The following TRABD2B variants were observed in gnomAD, a reference collection of about 807,000 sequenced individuals.
TRABD2B encodes metalloprotease TIKI2.
TRABD2B carries 14 observed loss-of-function variants against 40.1 expected under a neutral mutation model. The ratio of observed to expected loss-of-function variants is 0.35; its 90% CI spans 0.23 to 0.55. The LOEUF is 0.55. Among genes scored for constraint, TRABD2B ranks in the 20% least tolerant of loss-of-function variants. TRABD2B has a pLI of 0.90. For missense variants in TRABD2B, 541 were observed against 648.6 expected (o/e 0.83, Z 1.80); for synonymous variants, 263 against 277.0 (o/e 0.95, Z 0.50).
At chr1:47,789,999 G>A (rs922733563) in intron 4 of TRABD2B, among the ~76,000 whole-genome samples, 3 of 150,404 alleles carry the variant, frequency 2.0e-5, no homozygotes, top group African/African-American at 4.9e-5. Context: ...TTTTCATTTT[G>A]CCAAATGAGG....
At chr1:47,883,766 T>C (rs1183557441) in intron 2 of TRABD2B, among the ~76,000 whole-genome samples, 1 of 152,250 alleles carries the variant, frequency 6.6e-6, no homozygotes, top group Non-Finnish European at 1.5e-5. Context: ...TCAGTCTCCA[T>C]GATGTCTCAC....
chr1:47,766,489 G>A (rs1212598256), intron 6 of TRABD2B, among the ~76,000 whole-genome samples: 1 of 152,204 alleles, frequency 6.6e-6, no homozygotes, highest in Non-Finnish European at 1.5e-5. Context: ...CCTGCTGGCT[G>A]CTCTCCCCTT....
rs76867898 is a variant in TRABD2B at position 47,876,180 on chromosome 1, C to T, written c.667-74561G>A. Among the ~76,000 whole-genome samples, 1,217 of 152,244 alleles carry T rather than the reference C, an allele frequency of 8.0e-3. 27 individuals carry two copies. Among genetic ancestry groups the T allele is most frequent in the African/African-American group, 0.027 (1,115 of 41,528 alleles). ...ACTTGTCACTGAGCTTGAACAAGCG[C>T]GTCACCCTCTCTAAGCCTCAGTTCA... is the stretch of plus-strand genomic sequence containing the variant. On this transcript the variant is annotated intron_variant, in intron 2 of 6. Transcript: ENST00000606738.
intron 2 of TRABD2B, among the ~76,000 whole-genome samples, chr1:47,923,028 T>C (rs771046916): frequency 6.6e-6 from 1 of 152,332 alleles, no homozygotes; most frequent in African/African-American, 2.4e-5. Flanking sequence ...TGTACACAGC[T>C]GCTTCCCTCT....
At chr1:47,810,856 C>T (rs931849056) in intron 2 of TRABD2B, among the ~76,000 whole-genome samples, 5 of 152,280 alleles carry the variant, frequency 3.3e-5, no homozygotes, top group Admixed American at 6.5e-5. Flanking sequence ...ACCACGGCAA[C>T]GCCAGGGAAG....
intron 2 of TRABD2B, among the ~76,000 whole-genome samples, chr1:47,923,588 T>A (rs1015592907): frequency 2.0e-5 from 3 of 152,236 alleles, no homozygotes; most frequent in Admixed American, 2.0e-4. Context: ...GGCCATGGTA[T>A]CCAGATATTT....
chr1:47,769,916 A>G (rs1334853344), intron 6 of TRABD2B, among the ~76,000 whole-genome samples: 3 of 143,404 alleles, frequency 2.1e-5, no homozygotes, highest in Non-Finnish European at 3.1e-5. Context: ...AATGTTTACT[A>G]GCAGCAGAAG....
At chr1:47,806,603 T>C (rs1644895340) in intron 2 of TRABD2B, among the ~76,000 whole-genome samples, 1 of 152,162 alleles carries the variant, frequency 6.6e-6, no homozygotes, top group Admixed American at 6.6e-5. Flanking sequence ...CTCCAGAGCA[T>C]CCTCTGTGGA....
At chr1:47,987,899 T>C (rs1645943406) in intron 2 of TRABD2B, among the ~76,000 whole-genome samples, 1 of 152,118 alleles carries the variant, frequency 6.6e-6, no homozygotes, top group Admixed American at 6.5e-5. Context: ...TGGAGGTATA[T>C]GGTATAGGCG....
intron 2 of TRABD2B, among the ~76,000 whole-genome samples, chr1:47,851,500 A>G (rs1645549316): frequency 6.6e-6 from 1 of 152,128 alleles, no homozygotes; most frequent in South Asian, 2.1e-4. Flanking sequence ...GGAGAGAGGG[A>G]AAGAGATTGA....
At position 47,778,232 on chromosome 1, in the gene TRABD2B, C is replaced by T. The variant is rs973812489; in HGVS notation, c.1079+222G>A. 4.6e-5 allele frequency among the ~76,000 whole-genome samples: 7 copies of T among 152,196 alleles called. No individual in the cohort carries two copies. The South Asian group carries it at 8.3e-4, about 18-fold the overall frequency. On this transcript the variant is annotated intron_variant, in intron 5 of 6. Coordinates refer to ENST00000606738, the MANE Select transcript of TRABD2B (RefSeq NM_001194986.2). ...ATCATAAGTACCTCTCCAGTCTTAA[C>T]GCTGCTCTCACTCCCACCCATGCTC...
chr1:47,850,196 C>T (rs1645528928), intron 2 of TRABD2B, among the ~76,000 whole-genome samples: 2 of 152,240 alleles, frequency 1.3e-5, no homozygotes, highest in Admixed American at 1.3e-4. Flanking sequence ...GTAGACTTCT[C>T]ACAGGAGCTG....
At chr1:47,808,920 T>C (rs1292979387) in intron 2 of TRABD2B, among the ~76,000 whole-genome samples, 2 of 152,056 alleles carry the variant, frequency 1.3e-5, no homozygotes, top group African/African-American at 4.8e-5. Flanking sequence ...TGTTAGAACT[T>C]TAGCTGTGGT....
At chr1:47,937,003 T>C (rs1229734697) in intron 2 of TRABD2B, among the ~76,000 whole-genome samples, 1 of 148,158 alleles carries the variant, frequency 6.7e-6, no homozygotes, top group African/African-American at 2.5e-5. Context: ...ATCACCACCA[T>C]CACCATCATC....
At chr1:47,778,426 G>T (rs76234377) in intron 5 of TRABD2B, 28 bp downstream of exon 5, 1 of 1,509,044 alleles carries the variant, frequency 6.6e-7, no homozygotes, top group Non-Finnish European at 8.9e-7. Context: ...GGTCAGTGAG[G>T]GCCAAGGCAC....
At chr1:47,922,432 A>T (rs1228949067) in intron 2 of TRABD2B, among the ~76,000 whole-genome samples, 1 of 152,166 alleles carries the variant, frequency 6.6e-6, no homozygotes, top group Non-Finnish European at 1.5e-5. Flanking sequence ...AAGGTGGATC[A>T]TAACACAGAG....
intron 2 of TRABD2B, among the ~76,000 whole-genome samples, chr1:47,985,472 C>A (rs997643057): frequency 6.6e-6 from 1 of 152,234 alleles, no homozygotes; most frequent in East Asian, 1.9e-4. Flanking sequence ...TTGGAAAAGC[C>A]CAGGTTCTCC....
intron 2 of TRABD2B, among the ~76,000 whole-genome samples, chr1:47,961,228 C>T (rs1167536228): frequency 6.6e-6 from 1 of 152,210 alleles, no homozygotes; most frequent in African/African-American, 2.4e-5. Flanking sequence ...GGATTAAAGA[C>T]TTACATGTTA....
chr1:47,855,813 A>G (rs1353918474), intron 2 of TRABD2B, among the ~76,000 whole-genome samples: 2 of 152,230 alleles, frequency 1.3e-5, no homozygotes, highest in Non-Finnish European at 2.9e-5. Context: ...ACTAGAAGAC[A>G]GCCATCTGCA....
Sources: gnomAD v4.1 joint callset for allele counts (sites outside exome capture counted in the v4.1 genomes callset) on GRCh38, gnomAD v4.1.1 for gene constraint, MANE v1.5 for transcripts, NCBI Gene and HGNC (gene_info 2026-07-23, HGNC 2026-07-21) for gene names.